Variants in CYP2C18 observed in about 807,000 individuals in gnomAD.
CYP2C18 encodes cytochrome P450 2C18.
A neutral mutation model predicts 41.3 loss-of-function variants in CYP2C18; 38 were observed. The observed-to-expected ratio is 0.92, with a 90% CI of 0.71 to 1.21. The LOEUF (loss-of-function observed/expected upper bound fraction) is 1.21, where lower values mean the gene tolerates loss of function less well. CYP2C18 is among the 50% of genes most tolerant of loss of function. The pLI is 0.00. For synonymous variants in CYP2C18, 236 were observed against 210.0 expected (o/e 1.12, Z -1.07); for missense variants, 635 against 591.4 (o/e 1.07, Z -0.77).
chr10:94,726,635 G>A (rs1847747492), intron 7 of CYP2C18, among the ~76,000 whole-genome samples: 2 of 152,006 alleles, frequency 1.3e-5, no homozygotes, highest in South Asian at 2.1e-4. Context: ...ATTGTGAATA[G>A]TGCCACAATA....
chr10:94,706,190 A>G (rs886860342), intron 4 of CYP2C18, among the ~76,000 whole-genome samples: 1 of 152,026 alleles, frequency 6.6e-6, no homozygotes, highest in Admixed American at 6.6e-5. Flanking sequence ...GGCTGTGCTG[A>G]GCTAGCATGT....
At chr10:94,719,582 A>AT (rs1246341806) in intron 5 of CYP2C18, among the ~76,000 whole-genome samples, 89 of 143,754 alleles carry the variant, frequency 6.2e-4, no homozygotes, top group East Asian at 4.5e-3. Context: ...TTTGATTTTT[A>AT]TTTTTTTTTT....
At chr10:94,688,413 G>A in intron 3 of CYP2C18, 139 bp downstream of exon 3, 1 of 1,085,336 alleles carries the variant, frequency 9.2e-7, no homozygotes, top group African/African-American at 1.6e-5. Context: ...TAATGATCAA[G>A]TTAGGTGTTT....
chr10:94,729,792 G>A (rs1312117102), intron 7 of CYP2C18, among the ~76,000 whole-genome samples: 9 of 152,058 alleles, frequency 5.9e-5, no homozygotes, highest in Non-Finnish European at 1.0e-4. Flanking sequence ...GAGGACTTTT[G>A]TATCTAGGGT....
Position 94,735,726 on chromosome 10 carries a change from A to AT in CYP2C18, c.*282_*283insT. 1 of 364,844 alleles carries AT rather than the reference A, an allele frequency of 2.7e-6. No individual in the cohort carries two copies. The highest frequency in any genetic ancestry group is 5.0e-6 in the Non-Finnish European group (1 of 201,054). 22.6% of individuals were successfully genotyped at this position (364,844 alleles called of 1,614,324 possible). On this transcript the variant is annotated 3_prime_UTR_variant, in exon 9 of 9. Transcript: ENST00000285979. ...GCTGAGTTGTCAGTATGTTATCACTAGAAAACAAAGAAAAATGATTAATAA... is the reference window on the plus strand; with the variant it reads ...GCTGAGTTGTCAGTATGTTATCACTATGAAAACAAAGAAAAATGATTAATAA...
At chr10:94,716,920 C>G (rs1266463273) in intron 5 of CYP2C18, among the ~76,000 whole-genome samples, 1 of 152,138 alleles carries the variant, frequency 6.6e-6, no homozygotes, top group African/African-American at 2.4e-5. Context: ...GAATTGATCC[C>G]TTTACCATTA....
chr10:94,720,453 GAT>G lies in CYP2C18; in HGVS notation c.880_881del (p.Met294ValfsTer28). On this transcript the variant is annotated frameshift_variant, in exon 6 of 9. Transcript: ENST00000285979. LOFTEE classifies it high-confidence loss of function. ...TGAAAGCTTGATAGCCACTGTAACT[GAT>G]ATGTTTGGGGCTGGAACAGAGACAA... The part of the protein sequence containing the change: ...TVESLIATVT[D>X]MFGAGTETTS... 1 of 1,613,056 alleles carries G rather than the reference GAT, an allele frequency of 6.2e-7. No homozygotes were observed. The highest frequency in any genetic ancestry group is 8.5e-7 in the Non-Finnish European group (1 of 1,179,320).
At chr10:94,720,058 C>T (rs979542908) in intron 5 of CYP2C18, among the ~76,000 whole-genome samples, 10 of 152,212 alleles carry the variant, frequency 6.6e-5, no homozygotes, top group African/African-American at 2.4e-4. Flanking sequence ...ATCTATATCA[C>T]CTCTACCTTC....
At chr10:94,714,132 A>G (rs572308570) in intron 5 of CYP2C18, among the ~76,000 whole-genome samples, 10 of 152,068 alleles carry the variant, frequency 6.6e-5, no homozygotes, top group South Asian at 2.1e-4. Flanking sequence ...TAGGTTGCCT[A>G]TTCACTCTGA....
Position 94,706,856 on chromosome 10 carries a change from T to C in CYP2C18, c.715T>C (p.Tyr239His). 2 of 1,611,256 alleles carry C rather than the reference T, an allele frequency of 1.2e-6. No individual in the cohort carries two copies. Among genetic ancestry groups the C allele is most frequent in the Non-Finnish European group, 1.7e-6 (2 of 1,177,828 alleles). The change falls in exon 5 of 9, where the codon TAC (tyrosine) becomes CAC (histidine). Residue 239 changes from tyrosine (Y) to histidine (H), a missense_variant. Coordinates refer to ENST00000285979, the MANE Select transcript of CYP2C18 (RefSeq NM_000772.3). Reference sequence around the variant, plus strand: ...TAATAAAATAGCTGAAAATTTTGCTTACATTAAAAGTTATGTATTGGAGAG... The same window carrying C: ...TAATAAAATAGCTGAAAATTTTGCTCACATTAAAAGTTATGTATTGGAGAG... Reference protein sequence around the residue: ...SHNKIAENFAYIKSYVLERIK... With the variant: ...SHNKIAENFAHIKSYVLERIK...
intron 5 of CYP2C18, among the ~76,000 whole-genome samples, chr10:94,711,771 T>A (rs187917564): frequency 1.8e-3 from 268 of 152,170 alleles, no homozygotes; most frequent in Middle Eastern, 0.014. Flanking sequence ...TATACTGTAT[T>A]TTTTAGGGAA....
At chr10:94,692,607 G>A (rs1481444904) in intron 3 of CYP2C18, among the ~76,000 whole-genome samples, 2 of 152,292 alleles carry the variant, frequency 1.3e-5, no homozygotes, top group Admixed American at 1.3e-4. Context: ...GTGGAAGTCA[G>A]TGTGGCGATT....
intron 7 of CYP2C18, among the ~76,000 whole-genome samples, chr10:94,726,277 C>T (rs915935028): frequency 6.6e-6 from 1 of 151,920 alleles, no homozygotes; most frequent in Admixed American, 6.6e-5. Context: ...TATACACGTG[C>T]CATGGTGGTT....
intron 7 of CYP2C18, among the ~76,000 whole-genome samples, chr10:94,732,129 A>G (rs1010658062): frequency 1.3e-5 from 2 of 152,198 alleles, no homozygotes; most frequent in African/African-American, 4.8e-5. Flanking sequence ...ACAATTGAAC[A>G]AACAGAAAAC....
intron 7 of CYP2C18, among the ~76,000 whole-genome samples, chr10:94,727,005 AT>A (rs1847753332): frequency 1.3e-5 from 2 of 152,150 alleles, no homozygotes; most frequent in South Asian, 4.1e-4. Context: ...ACAGGTACCT[AT>A]TGAGCACCGG....
chr10:94,686,654 C>G (rs558735788), intron 1 of CYP2C18, among the ~76,000 whole-genome samples: 1 of 152,262 alleles, frequency 6.6e-6, no homozygotes, highest in African/African-American at 2.4e-5. Flanking sequence ...TCCTCCTGTA[C>G]CAGCAGAGGC....
intron 8 of CYP2C18, among the ~76,000 whole-genome samples, chr10:94,733,826 C>T (rs1847874919): frequency 6.6e-6 from 1 of 152,050 alleles, no homozygotes; most frequent in African/African-American, 2.4e-5. Context: ...GCTCCCTAGA[C>T]TGAGCTCTGG....
At chr10:94,707,457 G>A (rs1306637373) in intron 5 of CYP2C18, among the ~76,000 whole-genome samples, 1 of 152,168 alleles carries the variant, frequency 6.6e-6, no homozygotes, top group Non-Finnish European at 1.5e-5. Flanking sequence ...GGCCTTAACT[G>A]AATGGAACCA....
chr10:94,733,387 G>T lies in CYP2C18; in HGVS notation c.1240G>T (p.Asp414Tyr). The T allele has an allele frequency of 1.2e-6, 2 of 1,613,330 alleles. No homozygotes were observed. The highest frequency in any genetic ancestry group is 1.7e-6 in the Non-Finnish European group (2 of 1,179,538). The part of the protein sequence containing the change: ...PEMFDPGHFL[D>Y]KSGNFKKSDY... ...GATGTTTGACCCTGGCCACTTTCTG[G>T]ATAAGAGTGGCAACTTTAAGAAAAG... The change falls in exon 8 of 9, where the codon GAT (aspartate) becomes TAT (tyrosine). Residue 414 changes from aspartate (D) to tyrosine (Y), a missense_variant. Coordinates refer to ENST00000285979, the MANE Select transcript of CYP2C18 (RefSeq NM_000772.3).
Sources: allele counts gnomAD v4.1 joint callset (sites outside exome capture counted in the v4.1 genomes callset), GRCh38; gene constraint gnomAD v4.1.1; transcripts MANE v1.5; gene names NCBI Gene and HGNC (gene_info 2026-07-23, HGNC 2026-07-21).